The following FBXL17 variants were observed in gnomAD, a reference collection of about 807,000 sequenced individuals.
The protein encoded by FBXL17 is F-box/LRR-repeat protein 17.
In FBXL17, 22 loss-of-function variants were observed where a neutral mutation model predicts 66.2. The observed-to-expected ratio is 0.33, with a 90% CI of 0.24 to 0.47. FBXL17 has a LOEUF of 0.47. FBXL17 is among the 20% of genes least tolerant of loss of function. FBXL17 has a pLI of 1.00. For missense variants in FBXL17, 878 were observed against 948.2 expected (o/e 0.93, Z 0.97); for synonymous variants, 474 against 400.5 (o/e 1.18, Z -2.19).
At chr5:107,942,189 G>A (rs1561331579) in intron 7 of FBXL17, among the ~76,000 whole-genome samples, 1 of 152,092 alleles carries the variant, frequency 6.6e-6, no homozygotes, top group Non-Finnish European at 1.5e-5. Flanking sequence ...TGCCTAACAT[G>A]CCCGCACTGG....
chr5:108,057,216 AT>A (rs1262792283), intron 6 of FBXL17, among the ~76,000 whole-genome samples: 1 of 152,216 alleles, frequency 6.6e-6, no homozygotes, highest in Non-Finnish European at 1.5e-5. Flanking sequence ...AATGCCTTAA[AT>A]TTTTGGGCCA....
chr5:107,926,477 T>C (rs1407411257), intron 7 of FBXL17, among the ~76,000 whole-genome samples: 1 of 152,078 alleles, frequency 6.6e-6, no homozygotes, highest in Non-Finnish European at 1.5e-5. Context: ...TTTCCTATTC[T>C]TTTTCCTTGC....
chr5:108,301,881 T>TA (rs1410384139), intron 4 of FBXL17: 20 of 252,602 alleles, frequency 7.9e-5, no homozygotes, highest in African/African-American at 4.4e-4. Flanking sequence ...TTATGATTTT[T>TA]AACTCTGATA....
At chr5:108,219,146 GTAA>G (rs1353405216) in intron 5 of FBXL17, among the ~76,000 whole-genome samples, 1 of 152,146 alleles carries the variant, frequency 6.6e-6, no homozygotes, top group African/African-American at 2.4e-5. Context: ...TAAAATGTGG[GTAA>G]TAATAGTCTC....
rs995510713 is a variant in FBXL17 at position 107,878,286 on chromosome 5, T to C, written c.1965+2751A>G. 13 of 942,528 alleles carry C rather than the reference T, an allele frequency of 1.4e-5. No individual in the cohort carries two copies. In the African/African-American group the frequency reaches 2.3e-4, roughly 17 times the overall value. The allele number at this position is 942,528 out of a possible 1,614,324, so 58.4% of individuals were successfully genotyped here. A position where few individuals can be genotyped will look rare whatever the true frequency, so the allele number is the denominator to read the frequency against. Reference sequence around the variant, plus strand: ...TTTCAAAATGGGATAGTAGGCAATATAATTTTTTTTTCTCATTGGAAAATT... The same window carrying C: ...TTTCAAAATGGGATAGTAGGCAATACAATTTTTTTTTCTCATTGGAAAATT... On this transcript the variant is annotated intron_variant, in intron 8 of 8. Transcript: ENST00000542267.
At chr5:107,918,291 T>G (rs1750200763) in intron 7 of FBXL17, among the ~76,000 whole-genome samples, 1 of 152,186 alleles carries the variant, frequency 6.6e-6, no homozygotes, top group Non-Finnish European at 1.5e-5. Flanking sequence ...ACACAACTGC[T>G]CTCCAACTTC....
chr5:108,221,027 C>A (rs7722719), intron 5 of FBXL17, among the ~76,000 whole-genome samples: 8,475 of 152,172 alleles, frequency 0.056, 798 homozygotes, highest in African/African-American at 0.19. Flanking sequence ...ATGACTTTAT[C>A]TTATCAACCT....
intron 7 of FBXL17, among the ~76,000 whole-genome samples, chr5:107,885,070 G>C (rs1231496993): frequency 1.3e-5 from 2 of 152,136 alleles, no homozygotes; most frequent in Non-Finnish European, 2.9e-5. Flanking sequence ...TGATAGGGCT[G>C]TAAATGTAAT....
rs141298452 is a variant in FBXL17 at position 108,161,039 on chromosome 5, G to C, written c.1745+25078C>G. Among the ~76,000 whole-genome samples, 627 of 152,296 alleles carry C rather than the reference G, an allele frequency of 4.1e-3. 2 individuals are homozygous for C. Among genetic ancestry groups the C allele is most frequent in the African/African-American group, 0.014 (597 of 41,560 alleles). On this transcript the variant is annotated intron_variant, in intron 6 of 8. Coordinates refer to ENST00000542267, the MANE Select transcript of FBXL17 (RefSeq NM_001163315.3). ...CACATTGGGAAACACTAGGTTCCTG[G>C]AGGAGAGGTAGGGGAAGAGAATTTA...
chr5:107,899,495 G>T (rs2112529759), intron 7 of FBXL17, among the ~76,000 whole-genome samples: 1 of 152,244 alleles, frequency 6.6e-6, no homozygotes, highest in Non-Finnish European at 1.5e-5. Flanking sequence ...ACTTTAAAAG[G>T]TGTGATGGCA....
chr5:108,021,025 T>C (rs369388802), intron 6 of FBXL17, 24 bp from the exon 7 acceptor site: 1 of 1,568,070 alleles, frequency 6.4e-7, no homozygotes, highest in South Asian at 1.1e-5. Context: ...AAAGTGGTTA[T>C]ACTAATGCGT....
chr5:108,086,477 T>C (rs1419245059), intron 6 of FBXL17, among the ~76,000 whole-genome samples: 2 of 152,246 alleles, frequency 1.3e-5, no homozygotes, highest in Admixed American at 6.5e-5. Flanking sequence ...GAAGGCTCCA[T>C]GTCACATAAA....
chr5:107,980,480 C>G (rs1358177805), intron 7 of FBXL17, among the ~76,000 whole-genome samples: 1 of 149,192 alleles, frequency 6.7e-6, no homozygotes, highest in African/African-American at 2.5e-5. Context: ...GGACTACAAG[C>G]TCATGCCACC....
chr5:108,300,492 G>T (rs1186788163), intron 4 of FBXL17, among the ~76,000 whole-genome samples: 1 of 151,754 alleles, frequency 6.6e-6, no homozygotes, highest in Non-Finnish European at 1.5e-5. Context: ...CTATGGTATT[G>T]TTTGGATAAC....
intron 7 of FBXL17, among the ~76,000 whole-genome samples, chr5:107,913,512 C>T (rs1425838635): frequency 2.0e-5 from 3 of 152,066 alleles, no homozygotes; most frequent in Non-Finnish European, 4.4e-5. Context: ...GATGGTGTCA[C>T]TTTTTATGTT....
intron 6 of FBXL17, among the ~76,000 whole-genome samples, chr5:108,081,752 A>G (rs1409909865): frequency 1.6e-4 from 25 of 152,128 alleles, no homozygotes; most frequent in Admixed American, 1.6e-3. Context: ...AATAAGAGCC[A>G]GTAACAGGAT....
At chr5:108,017,548 C>G (rs1754432509) in intron 7 of FBXL17, among the ~76,000 whole-genome samples, 1 of 152,160 alleles carries the variant, frequency 6.6e-6, no homozygotes, top group Non-Finnish European at 1.5e-5. Flanking sequence ...ACGTATGTGG[C>G]ATGTATCATC....
chr5:108,360,131 G>A (rs1317961390), intron 3 of FBXL17, among the ~76,000 whole-genome samples: 1 of 151,856 alleles, frequency 6.6e-6, no homozygotes, highest in Admixed American at 6.6e-5. Flanking sequence ...CTTCTGGTGT[G>A]GAATATCTTT....
At chr5:107,944,838 G>A (rs1329725025) in intron 7 of FBXL17, among the ~76,000 whole-genome samples, 1 of 151,938 alleles carries the variant, frequency 6.6e-6, no homozygotes, top group African/African-American at 2.4e-5. Flanking sequence ...AAACTTTCAG[G>A]AGAAAATTAT....
Sources: gnomAD v4.1 joint callset for allele counts (sites outside exome capture counted in the v4.1 genomes callset) on GRCh38, gnomAD v4.1.1 for gene constraint, MANE v1.5 for transcripts, NCBI Gene and HGNC (gene_info 2026-07-23, HGNC 2026-07-21) for gene names.